Variants in CUL9 observed in about 807,000 individuals in gnomAD.
The protein encoded by CUL9 is cullin 9.
CUL9 carries 79 observed loss-of-function variants against 272.6 expected under a neutral mutation model. The observed-to-expected ratio is 0.29, with a 90% CI of 0.24 to 0.35. CUL9 has a LOEUF of 0.35. Ranked by LOEUF, CUL9 falls within the 10% of genes least tolerant of loss-of-function variation. The pLI, the probability that CUL9 is intolerant of heterozygous loss-of-function variation, is 1.00. For missense variants in CUL9, 2,532 were observed against 3,255.6 expected, an observed-to-expected ratio of 0.78 and a Z score of 5.41; for synonymous variants, 1,186 against 1,286.5, an observed-to-expected ratio of 0.92 and a Z score of 1.67.
chr6:43,220,707 A>T lies in CUL9; in HGVS notation c.6424-40A>T. ...GGGGCCTGGAGGTGTGGCATCCTGG[A>T]GAGCCATACCCTCACCTCGTGGCAC... On this transcript the variant is annotated intron_variant, in intron 32 of 40. Coordinates refer to ENST00000252050, the MANE Select transcript of CUL9 (RefSeq NM_015089.4). The surrounding 1 kb of genome is among the most constrained non-coding windows in gnomAD (Gnocchi z 4.9). 6.2e-7 allele frequency: 1 copy of T among 1,605,542 alleles called. No individual in the cohort carries two copies. Among genetic ancestry groups the T allele is most frequent in the Non-Finnish European group, 8.5e-7 (1 of 1,175,294 alleles).
At chr6:43,215,810 C>T (rs1259355270) in intron 30 of CUL9, among the ~76,000 whole-genome samples, 3 of 152,214 alleles carry the variant, frequency 2.0e-5, no homozygotes, top group Admixed American at 2.0e-4. Context: ...GGTCCACAGA[C>T]CACACTTGAG....
At position 43,204,779 on chromosome 6, in the gene CUL9, C is replaced by T. The variant is rs757485610; in HGVS notation, c.4371C>T (p.Ser1457=). The T allele has an allele frequency of 6.2e-7, 1 of 1,614,214 alleles. No individual in the cohort carries two copies. The highest frequency in any genetic ancestry group is 8.5e-7 in the Non-Finnish European group (1 of 1,180,038). ...FSKNSKGRDR[S]PAPSPVLPSS... ...AGAACAGCAAGGGTCGGGACCGGAGCCCGGCGCCTTCGCCAGTGCTTCCAA... is the reference window on the plus strand; with the variant it reads ...AGAACAGCAAGGGTCGGGACCGGAGTCCGGCGCCTTCGCCAGTGCTTCCAA... The change falls in exon 22 of 41, where the codon AGC becomes AGT. Residue 1457 remains serine, a synonymous_variant. Transcript: ENST00000252050.
In CUL9 at chr6:43,222,603, C is replaced by G; in HGVS notation, c.6994C>G (p.Leu2332Val). The change falls in exon 37 of 41, where the codon CTC (leucine) becomes GTC (valine). Residue 2332 changes from leucine (L) to valine (V), a missense_variant. Around this residue, in one of 3 missense-constraint regions of CUL9, gnomAD observed 237 missense variants for 305.9 expected, o/e 0.77. Coordinates refer to ENST00000252050, the MANE Select transcript of CUL9 (RefSeq NM_015089.4). Reference protein sequence around the residue: ...EVPPPRSFTFLNDACQGLEQA... With the variant: ...EVPPPRSFTFVNDACQGLEQA... ...GCCCCCGCCCAGATCCTTCACCTTC[C>G]TCAATGATGCCTGCCAGGGACTGGA... 1 of 1,613,206 alleles carries G rather than the reference C, an allele frequency of 6.2e-7. No homozygotes were observed.
In CUL9 at chr6:43,215,322, C is replaced by T; in HGVS notation, c.5932C>T (p.Pro1978Ser). ...FCGSQSETSKPSPEAVATLAS... is the reference protein window; with the variant it reads ...FCGSQSETSKSSPEAVATLAS... ...TGGCAGCCAGAGCGAAACCTCCAAGCCCAGGTAGCCACTGCACCTGACCCC... is the reference window on the plus strand; with the variant it reads ...TGGCAGCCAGAGCGAAACCTCCAAGTCCAGGTAGCCACTGCACCTGACCCC... The change falls in exon 30 of 41, where the codon CCC becomes TCC. Residue 1978 changes from proline to serine, a missense_variant. Pro to Ser is a moderately conservative substitution (Grantham distance 74). Coordinates refer to ENST00000252050, the MANE Select transcript of CUL9 (RefSeq NM_015089.4). 2 of 1,605,862 alleles carry T rather than the reference C, an allele frequency of 1.2e-6. No homozygotes were observed. The highest frequency in any genetic ancestry group is 1.7e-6 in the Non-Finnish European group (2 of 1,176,900).
rs755754259 is a variant in CUL9, at chr6:43,184,513, C to T, written c.203C>T (p.Ser68Leu). Residue 68 changes from serine (S) to leucine (L), a missense_variant, in exon 2 of 41, where the codon TCG becomes TTG. Coordinates refer to ENST00000252050, the MANE Select transcript of CUL9 (RefSeq NM_015089.4). The surrounding 1 kb of genome is among the most constrained non-coding windows in gnomAD (Gnocchi z 4.8). ...GKAEHILMWL[S>L]APEVYANCPG... ...GCAGAGCACATCCTCATGTGGCTGT[C>T]GGCTCCTGAGGTCTACGCCAACTGC... is the stretch of plus-strand genomic sequence containing the variant. 13 of 1,612,420 alleles carry T rather than the reference C, an allele frequency of 8.1e-6. No individual in the cohort carries two copies. Among genetic ancestry groups the T allele is most frequent in the Non-Finnish European group, 1.1e-5 (13 of 1,178,836 alleles).
Position 43,218,591 on chromosome 6 carries a change from G to A in CUL9, c.6283-1868G>A, listed in dbSNP as rs909921202. On this transcript the variant is annotated intron_variant, in intron 31 of 40. Transcript: ENST00000252050. The surrounding 1 kb of genome is among the most constrained non-coding windows in gnomAD (Gnocchi z 4.4). The stretch of plus-strand genomic sequence containing the variant: ...AGGGAGCAAGAGTGGAAGCAGGAAG[G>A]CCCATTTGGTGACTGTTGTACGAGA... Among the ~76,000 whole-genome samples, 1 of 152,218 alleles carries A rather than the reference G, an allele frequency of 6.6e-6. No individual in the cohort carries two copies. The highest frequency in any genetic ancestry group is 2.4e-5 in the African/African-American group (1 of 41,468).
rs201453105 is a variant in CUL9 at position 43,213,937 on chromosome 6, T to C, written c.5688+25T>C. On this transcript the variant is annotated intron_variant, in intron 29 of 40. Coordinates refer to ENST00000252050, the MANE Select transcript of CUL9 (RefSeq NM_015089.4). This position sits in a 1 kb window ranked among gnomAD's most constrained non-coding sequence, Gnocchi z 5.7. The stretch of plus-strand genomic sequence containing the variant: ...GGTAGGCAGAGAGGGGACCATGAAG[T>C]TGGCGGAGGGAGGGAGTCATGCTTG... 3.5e-5 allele frequency: 56 copies of C among 1,612,788 alleles called. No individual in the cohort carries two copies. The highest frequency in any genetic ancestry group is 4.6e-5 in the Non-Finnish European group (54 of 1,179,152).
rs746637797 is a variant in CUL9, at chr6:43,222,732, G to C, written c.7033-47G>C. The stretch of plus-strand genomic sequence containing the variant: ...CTTTCATCGGACTTGCCTGGGTGAA[G>C]GGAATGAGGAGAGGGCAGGCGGGAG... On this transcript the variant is annotated intron_variant, in intron 37 of 40. Coordinates refer to ENST00000252050, the MANE Select transcript of CUL9 (RefSeq NM_015089.4). 1.9e-6 allele frequency: 3 copies of C among 1,607,950 alleles called. No individual in the cohort carries two copies. The Admixed American group carries it at 5.0e-5, about 27-fold the overall frequency.
Position 43,213,327 on chromosome 6 carries a change from C to T in CUL9, c.5358+33C>T. Reference sequence around the variant, plus strand: ...AGCCCTTAGCCTCTCTCTGCCTTCTCTGCTACCTTATCTGTCGCTGTTCTC... The same window carrying T: ...AGCCCTTAGCCTCTCTCTGCCTTCTTTGCTACCTTATCTGTCGCTGTTCTC... On this transcript the variant is annotated intron_variant, in intron 27 of 40. Transcript: ENST00000252050. This position sits in a 1 kb window ranked among gnomAD's most constrained non-coding sequence, Gnocchi z 5.7. 7 of 1,612,774 alleles carry T rather than the reference C, an allele frequency of 4.3e-6. No individual in the cohort carries two copies. The highest frequency in any genetic ancestry group is 5.9e-6 in the Non-Finnish European group (7 of 1,179,026).
chr6:43,183,126 C>T (rs1304878162), intron 1 of CUL9, among the ~76,000 whole-genome samples: 2 of 152,172 alleles, frequency 1.3e-5, no homozygotes, highest in African/African-American at 2.4e-5. Context: ...GACAGTGAGA[C>T]AGAAAGCCAG....
chr6:43,221,355 C>A lies in CUL9; in HGVS notation c.6752+34C>A. The A allele has an allele frequency of 5.4e-6, 8 of 1,494,868 alleles. No individual in the cohort carries two copies. Among genetic ancestry groups the A allele is most frequent in the South Asian group, 1.3e-5 (1 of 75,950 alleles). 92.6% of individuals were successfully genotyped at this position (1,494,868 alleles called of 1,614,324 possible). ...GGGGGTACTGTGGGGAGCCAGAGGG[C>A]AAGGAGGGGGGAGGAGGCCTGGCAG... On this transcript the variant is annotated intron_variant, in intron 34 of 40. Transcript: ENST00000252050. The surrounding 1 kb of genome is among the most constrained non-coding windows in gnomAD (Gnocchi z 4.2).
intron 7 of CUL9, 113 bp downstream of exon 7, chr6:43,188,231 G>T (rs1477624731): frequency 1.6e-6 from 2 of 1,281,876 alleles, no homozygotes; most frequent in African/African-American, 3.0e-5. Context: ...TTTTGCAGGG[G>T]AAAATGCCTT....
At chr6:43,208,394 C>T (rs1775210327) in intron 26 of CUL9, among the ~76,000 whole-genome samples, 2 of 152,092 alleles carry the variant, frequency 1.3e-5, no homozygotes, top group Non-Finnish European at 2.9e-5. Flanking sequence ...TTAGTAAAGA[C>T]GAGGTTTCAC....
chr6:43,190,266 T>G (rs1027537220), intron 8 of CUL9, among the ~76,000 whole-genome samples: 5 of 152,066 alleles, frequency 3.3e-5, no homozygotes. Context: ...CTAGTTCTGG[T>G]AAAGTTAGGC....
In CUL9 at chr6:43,186,314, C is replaced by T. The variant is rs1562011657; in HGVS notation, c.1110C>T (p.Ser370=). 1.2e-6 allele frequency: 2 copies of T among 1,614,238 alleles called. No individual in the cohort carries two copies. Among genetic ancestry groups the T allele is most frequent in the Non-Finnish European group, 1.7e-6 (2 of 1,180,048 alleles). Residue 370 remains serine (S), a synonymous_variant, in exon 4 of 41, where the codon TCC becomes TCT. Transcript: ENST00000252050. ...TCTTCCGCCAGCGCTCTGAATTCTC[C>T]AGCCGTAGTGGCTATGGAGAATATG... ...GWVFRQRSEF[S]SRSGYGEYVQ...
At position 43,216,308 on chromosome 6, in the gene CUL9, T is replaced by C. The variant is rs749802330; in HGVS notation, c.6087T>C (p.Ala2029=). 2 of 1,614,096 alleles carry C rather than the reference T, an allele frequency of 1.2e-6. No homozygotes were observed. Among genetic ancestry groups the C allele is most frequent in the South Asian group, 1.1e-5 (1 of 91,082 alleles). Residue 2029 remains alanine, a synonymous_variant, in exon 31 of 41, where the codon GCT becomes GCC. Transcript: ENST00000252050. Reference sequence around the variant, plus strand: ...CAGATGTCGCTCAGCACCTTTTGGCTCATTCCCACTGGGGCGCTGAACAGC... The same window carrying C: ...CAGATGTCGCTCAGCACCTTTTGGCCCATTCCCACTGGGGCGCTGAACAGC... The part of the protein sequence containing the change: ...LEPDVAQHLL[A]HSHWGAEQLL...
intron 26 of CUL9, among the ~76,000 whole-genome samples, chr6:43,211,827 T>C (rs1434054285): frequency 6.6e-6 from 1 of 152,190 alleles, no homozygotes; most frequent in Non-Finnish European, 1.5e-5. Flanking sequence ...ACTACAGTTA[T>C]CAAGTATTTA....
Position 43,224,198 on chromosome 6 carries a change from G to A in CUL9, c.7358+30G>A, listed in dbSNP as rs1776621622. The A allele has an allele frequency of 6.2e-7, 1 of 1,614,230 alleles. No homozygotes were observed. The highest frequency in any genetic ancestry group is 1.7e-5 in the Admixed American group (1 of 60,030). On this transcript the variant is annotated intron_variant, in intron 40 of 40. Transcript: ENST00000252050. This position sits in a 1 kb window ranked among gnomAD's most constrained non-coding sequence, Gnocchi z 4.2. ...GTGGGGTGGGCAGAGCCATGGAGGAGGCAGTGGGACATGGCAGCCTCCTCT... is the reference window on the plus strand; with the variant it reads ...GTGGGGTGGGCAGAGCCATGGAGGAAGCAGTGGGACATGGCAGCCTCCTCT...
Position 43,216,145 on chromosome 6 carries a change from C to T in CUL9, c.5937-13C>T. On this transcript the variant is annotated splice_polypyrimidine_tract_variant and intron_variant, in intron 30 of 40. Transcript: ENST00000252050. The stretch of plus-strand genomic sequence containing the variant: ...GCAGGAATACTGACTTCTGTCTCTT[C>T]CCTCCCCACAAGCCCAGAAGCTGTG... The T allele has an allele frequency of 6.3e-7, 1 of 1,595,164 alleles. No homozygotes were observed. The highest frequency in any genetic ancestry group is 1.1e-5 in the South Asian group (1 of 90,092).
Sources: gnomAD v4.1 joint callset for allele counts (sites outside exome capture counted in the v4.1 genomes callset) on GRCh38, gnomAD v4.1.1 for gene constraint, gnomAD v4.1.1 regional missense constraint, Gnocchi (gnomAD v3.1) non-coding constraint, MANE v1.5 for transcripts, NCBI Gene and HGNC (gene_info 2026-07-23, HGNC 2026-07-21) for gene names.